PDE4B: variants seen among roughly 807,000 people sequenced by gnomAD.
PDE4B encodes 3',5'-cyclic-AMP phosphodiesterase 4B.
A neutral mutation model predicts 82.2 loss-of-function variants in PDE4B; 20 were observed. The observed-to-expected ratio is 0.24, with a 90% CI of 0.17 to 0.35. The LOEUF is 0.35. Among genes scored for constraint, PDE4B ranks in the 10% least tolerant of loss-of-function variants. PDE4B has a pLI of 1.00. For missense variants in PDE4B, 655 were observed against 907.2 expected, an observed-to-expected ratio of 0.72 and a Z score of 3.57; for synonymous variants, 320 against 318.9, an observed-to-expected ratio of 1.00 and a Z score of -0.04.
intron 16 of PDE4B, among the ~76,000 whole-genome samples, chr1:66,371,222 T>C (rs1336410582): frequency 2.0e-5 from 3 of 149,860 alleles, no homozygotes; most frequent in Non-Finnish European, 3.0e-5. Flanking sequence ...ATTACCAACA[T>C]GTTAATAAAG....
intron 1 of PDE4B, among the ~76,000 whole-genome samples, chr1:65,827,950 T>C (rs1159256811): frequency 7.2e-5 from 11 of 152,058 alleles, no homozygotes; most frequent in Admixed American, 7.2e-4. Flanking sequence ...TATAGCAGGC[T>C]CCTCATCAGA....
At position 65,909,239 on chromosome 1, in the gene PDE4B, G is replaced by T. The variant is rs1647060391; in HGVS notation, c.-70-4006G>T. Among the ~76,000 whole-genome samples, 6 of 152,180 alleles carry T rather than the reference G, an allele frequency of 3.9e-5. No individual in the cohort carries two copies. The South Asian group carries it at 1.2e-3, about 32-fold the overall frequency. On this transcript the variant is annotated intron_variant, in intron 1 of 16. Transcript: ENST00000341517. Reference sequence around the variant, plus strand: ...TTTGAACATCATCTGCAAAATAAAAGATATTTTTTAAATTGGAAAAAAAGT... The same window carrying T: ...TTTGAACATCATCTGCAAAATAAAATATATTTTTTAAATTGGAAAAAAAGT...
At chr1:65,871,724 T>C (rs1295494957) in intron 1 of PDE4B, among the ~76,000 whole-genome samples, 8 of 152,250 alleles carry the variant, frequency 5.3e-5, no homozygotes, top group African/African-American at 1.9e-4. Context: ...CTGCTCCTTC[T>C]GCCTCTTTCA....
chr1:66,212,410 G>A (rs1650121594), intron 3 of PDE4B, among the ~76,000 whole-genome samples: 1 of 152,038 alleles, frequency 6.6e-6, no homozygotes, highest in South Asian at 2.1e-4. Context: ...TGTCTGAAAT[G>A]TCCCTCATCC....
chr1:66,243,319 G>A (rs1334934542), intron 3 of PDE4B, among the ~76,000 whole-genome samples: 1 of 152,178 alleles, frequency 6.6e-6, no homozygotes, highest in Non-Finnish European at 1.5e-5. Context: ...GTAAGTTATA[G>A]TATATTTTAG....
At chr1:66,099,214 C>T (rs772271136) in intron 3 of PDE4B, among the ~76,000 whole-genome samples, 9 of 151,960 alleles carry the variant, frequency 5.9e-5, no homozygotes, top group Non-Finnish European at 1.3e-4. Context: ...TGAGAACATG[C>T]GGTGCTTGAT....
intron 3 of PDE4B, among the ~76,000 whole-genome samples, chr1:66,228,367 G>T (rs772697779): frequency 6.6e-6 from 1 of 152,152 alleles, no homozygotes; most frequent in Non-Finnish European, 1.5e-5. Context: ...TGCAATATAA[G>T]AAATCATGCA....
chr1:65,950,498 C>T (rs1281415933), intron 3 of PDE4B, among the ~76,000 whole-genome samples: 2 of 151,962 alleles, frequency 1.3e-5, no homozygotes, highest in Non-Finnish European at 2.9e-5. Flanking sequence ...TGGGGATGTG[C>T]TCAATAGGGG....
At chr1:66,113,514 C>T (rs1326933770) in intron 3 of PDE4B, among the ~76,000 whole-genome samples, 1 of 152,096 alleles carries the variant, frequency 6.6e-6, no homozygotes, top group Non-Finnish European at 1.5e-5. Context: ...ATTTTAATCA[C>T]TGAGTTATAC....
chr1:66,299,508 T>A (rs1657737536), intron 7 of PDE4B, among the ~76,000 whole-genome samples: 1 of 152,200 alleles, frequency 6.6e-6, no homozygotes, highest in African/African-American at 2.4e-5. Context: ...CTATTGTCAA[T>A]AGTGCTGCAA....
intron 3 of PDE4B, among the ~76,000 whole-genome samples, chr1:66,153,532 A>G (rs1009940348): frequency 1.2e-4 from 18 of 151,986 alleles, no homozygotes; most frequent in African/African-American, 4.1e-4. Flanking sequence ...TTTGTTCCCA[A>G]AAGGGTATAG....
intron 7 of PDE4B, among the ~76,000 whole-genome samples, chr1:66,307,008 C>T (rs537611): frequency 0.61 from 91,985 of 151,406 alleles, 28,387 homozygotes; most frequent in African/African-American, 0.68. Context: ...CCGAAATAGA[C>T]GTAGTGCATT....
At chr1:65,973,411 G>A (rs963950247) in intron 3 of PDE4B, among the ~76,000 whole-genome samples, 1 of 152,084 alleles carries the variant, frequency 6.6e-6, no homozygotes, top group Non-Finnish European at 1.5e-5. Context: ...AGACAGCTGG[G>A]TTTGAATAAA....
At chr1:66,264,663 C>G (rs1006298313) in intron 6 of PDE4B, among the ~76,000 whole-genome samples, 1 of 152,140 alleles carries the variant, frequency 6.6e-6, no homozygotes, top group African/African-American at 2.4e-5. Flanking sequence ...TGTCTATAGA[C>G]TACGGCTACT....
chr1:66,351,131 C>T (rs188553241), intron 8 of PDE4B, among the ~76,000 whole-genome samples: 119 of 152,264 alleles, frequency 7.8e-4, no homozygotes, highest in African/African-American at 2.7e-3. Context: ...AAGAAGGCAT[C>T]GGAGGAATTT....
In PDE4B at chr1:66,243,306, G is replaced by T. The variant is rs527449752; in HGVS notation, c.282-4154G>T. Among the ~76,000 whole-genome samples the T allele has an allele frequency of 3.9e-5, 6 of 152,238 alleles. No homozygotes were observed. In the East Asian group the frequency reaches 1.2e-3, roughly 29 times the overall value. ...AGGGGAGGGATTGGAGAAACATTTC[G>T]CAGTAAGTTATAGTATATTTTAGTT... is the stretch of plus-strand genomic sequence containing the variant. On this transcript the variant is annotated intron_variant, in intron 3 of 16. Coordinates refer to ENST00000341517, the MANE Select transcript of PDE4B (RefSeq NM_002600.4).
At chr1:66,203,256 C>A (rs1367833495) in intron 3 of PDE4B, among the ~76,000 whole-genome samples, 1 of 152,098 alleles carries the variant, frequency 6.6e-6, no homozygotes, top group Non-Finnish European at 1.5e-5. Context: ...GGTAACCTGA[C>A]CTTTCTCTCT....
chr1:65,993,241 C>G, intron 3 of PDE4B: 1 of 825,194 alleles, frequency 1.2e-6, no homozygotes, highest in Admixed American at 2.8e-5. Context: ...AGTTTTGTTC[C>G]TAAAACATAC....
At chr1:66,031,952 G>A (rs1393861392) in intron 3 of PDE4B, among the ~76,000 whole-genome samples, 2 of 152,176 alleles carry the variant, frequency 1.3e-5, no homozygotes, top group Non-Finnish European at 2.9e-5. Flanking sequence ...CTCTTTCAAA[G>A]GTTGGGGCTC....
Sources: gnomAD v4.1 joint callset for allele counts (sites outside exome capture counted in the v4.1 genomes callset) on GRCh38, gnomAD v4.1.1 for gene constraint, MANE v1.5 for transcripts, NCBI Gene and HGNC (gene_info 2026-07-23, HGNC 2026-07-21) for gene names.